Variants in USP9X observed in about 807,000 individuals in gnomAD.
USP9X encodes ubiquitin specific peptidase 9 X-linked, also known as ubiquitin carboxyl-terminal hydrolase 9X.
USP9X carries 7 observed loss-of-function variants against 190.3 expected under a neutral mutation model. The observed-to-expected ratio is 0.04, with a 90% confidence interval of 0.02 to 0.07. The LOEUF (loss-of-function observed/expected upper bound fraction) is 0.07. USP9X is among the 10% of genes least tolerant of loss of function. The pLI, the probability that USP9X is intolerant of heterozygous loss-of-function variation, is 1.00. For synonymous variants in USP9X, 645 were observed against 659.5 expected (o/e 0.98, Z 0.34); for missense variants, 1,010 against 1,916.9 (o/e 0.53, Z 8.83).
intron 1 of USP9X, among the ~76,000 whole-genome samples, chrX:41,104,903 A>G (rs1231362834): frequency 8.9e-6 from 1 of 111,817 alleles, no homozygotes. Flanking sequence ...AGGTACCAAA[A>G]ACTAACAATG....
At chrX:41,219,056 C>T in intron 37 of USP9X, 46 bp from the exon 38 acceptor site, 1 of 1,176,355 alleles carries the variant, frequency 8.5e-7, no homozygotes, top group South Asian at 1.9e-5. Context: ...TAGAAGTATA[C>T]ATATACCTTG....
chrX:41,099,096 G>GTTTTTT (rs34179321), intron 1 of USP9X, among the ~76,000 whole-genome samples: 1 of 44,266 alleles, frequency 2.3e-5, no homozygotes, highest in Non-Finnish European at 3.7e-5. Context: ...CCAGATAATT[G>GTTTTTT]TTTTTTTTTT....
intron 4 of USP9X, among the ~76,000 whole-genome samples, chrX:41,132,087 C>A (rs1249059666): frequency 2.7e-5 from 3 of 110,968 alleles, no homozygotes; most frequent in African/African-American, 9.8e-5. Context: ...CATAATCCTT[C>A]AGGTAAAAAT....
intron 44 of USP9X, among the ~76,000 whole-genome samples, 171 bp from the exon 45 acceptor site, chrX:41,232,216 C>A (rs1192356451): frequency 3.1e-5 from 1 of 31,845 alleles, no homozygotes; most frequent in African/African-American, 1.2e-4. Flanking sequence ...GTTTTTCAAG[C>A]CTTTTTTTGT....
chrX:41,126,215 G>T (rs2062249837), intron 2 of USP9X, among the ~76,000 whole-genome samples: 2 of 111,555 alleles, frequency 1.8e-5, no homozygotes, highest in African/African-American at 6.5e-5. Context: ...AAATAAATGT[G>T]TCAGTTTTAT....
At chrX:41,205,753 A>C (rs932604018) in intron 32 of USP9X, among the ~76,000 whole-genome samples, 6 of 110,158 alleles carry the variant, frequency 5.4e-5, no homozygotes, top group Admixed American at 2.9e-4. Flanking sequence ...ACATCTAATA[A>C]ATACAGAAGT....
intron 16 of USP9X, among the ~76,000 whole-genome samples, chrX:41,166,708 C>T (rs2062681524): frequency 9.0e-6 from 1 of 111,692 alleles, no homozygotes; most frequent in African/African-American, 3.3e-5. Context: ...TTTTATAGTA[C>T]TACTCTATTA....
chrX:41,199,719 G>A (rs949408669), intron 30 of USP9X, among the ~76,000 whole-genome samples: 3 of 111,882 alleles, frequency 2.7e-5, no homozygotes, highest in African/African-American at 6.5e-5. Context: ...GTGAGCCACC[G>A]CACCTGGCCC....
chrX:41,224,377 G>A (rs747842843), intron 39 of USP9X, among the ~76,000 whole-genome samples: 2 of 111,239 alleles, frequency 1.8e-5, no homozygotes, highest in Non-Finnish European at 3.8e-5. Flanking sequence ...GCTCATGCCT[G>A]TAATCCTAGC....
chrX:41,153,584 A>G (rs1429018073), intron 14 of USP9X, among the ~76,000 whole-genome samples: 1 of 112,288 alleles, frequency 8.9e-6, no homozygotes, highest in Non-Finnish European at 1.9e-5. Context: ...TTGTTTGAAC[A>G]TGTTTAGGAT....
intron 37 of USP9X, 102 bp from the exon 38 acceptor site, chrX:41,218,999 TA>T: frequency 1.2e-6 from 1 of 855,773 alleles, no homozygotes; most frequent in Non-Finnish European, 1.6e-6. Context: ...AGTCCTTCCA[TA>T]AATGTATGCC....
intron 1 of USP9X, among the ~76,000 whole-genome samples, chrX:41,106,153 A>G (rs979231445): frequency 9.8e-5 from 11 of 111,762 alleles, no homozygotes; most frequent in Non-Finnish European, 1.3e-4. Flanking sequence ...CCATTTAACT[A>G]TTTCTTTTGT....
At chrX:41,210,720 C>T in intron 33 of USP9X, 38 bp downstream of exon 33, 7 of 1,154,197 alleles carry the variant, frequency 6.1e-6, no homozygotes, top group Non-Finnish European at 8.1e-6. Flanking sequence ...TATGTTGTAC[C>T]ATGTATATAC....
chrX:41,210,107 G>A (rs1156387340), intron 32 of USP9X, among the ~76,000 whole-genome samples: 1 of 112,115 alleles, frequency 8.9e-6, no homozygotes, highest in Non-Finnish European at 1.9e-5. Context: ...CAAAATGAAA[G>A]AAATAAAATA....
At chrX:41,134,869 AT>A in intron 5 of USP9X, 32 bp downstream of exon 5, 1 of 1,079,077 alleles carries the variant, frequency 9.3e-7, no homozygotes, top group Non-Finnish European at 1.3e-6. Context: ...AAAGGATCAG[AT>A]TTACATAGTG....
At chrX:41,120,840 G>T (rs1490426124) in intron 1 of USP9X, among the ~76,000 whole-genome samples, 1 of 90,085 alleles carries the variant, frequency 1.1e-5, no homozygotes, top group East Asian at 3.5e-4. Context: ...CTTTAGTCAA[G>T]TTTTTTTTTT....
In USP9X at chrX:41,131,490, G is replaced by T. The variant is rs2062316924; in HGVS notation, c.276G>T (p.Gly92=). The T allele has an allele frequency of 8.3e-7, 1 of 1,208,782 alleles. No individual in the cohort carries two copies. Among genetic ancestry groups the T allele is most frequent in the South Asian group, 1.8e-5 (1 of 56,408 alleles). The change falls in exon 4 of 45, where the codon GGG becomes GGT. Residue 92 remains glycine (G), a synonymous_variant. Coordinates refer to ENST00000378308, the MANE Select transcript of USP9X (RefSeq NM_001039591.3). ...PRWVVPVLPK[G]ELEVLLEAAI... ...GGGTGGTTCCAGTTTTGCCGAAAGG[G>T]GAATTAGAAGTGCTTTTAGAAGCTG...
At chrX:41,161,578 C>T (rs766650464) in intron 14 of USP9X, among the ~76,000 whole-genome samples, 9 of 102,870 alleles carry the variant, frequency 8.7e-5, no homozygotes, top group East Asian at 6.1e-4. Flanking sequence ...TCAGGTAATC[C>T]GCCTGCCTTG....
intron 1 of USP9X, among the ~76,000 whole-genome samples, chrX:41,120,840 G>GTTTT (rs772931570): frequency 3.3e-5 from 3 of 90,075 alleles, no homozygotes; most frequent in African/African-American, 4.1e-5. Flanking sequence ...CTTTAGTCAA[G>GTTTT]TTTTTTTTTT....
Sources: allele counts gnomAD v4.1 joint callset (sites outside exome capture counted in the v4.1 genomes callset), GRCh38; gene constraint gnomAD v4.1.1; transcripts MANE v1.5; gene names NCBI Gene and HGNC (gene_info 2026-07-23, HGNC 2026-07-21).